Variants in ENO4 observed in about 807,000 individuals in gnomAD.
ENO4 encodes the protein 2-phospho-D-glycerate hydro-lyase.
Under a neutral mutation model 63.2 loss-of-function variants are expected in ENO4, and 53 were observed. The ratio of observed to expected loss-of-function variants is 0.84; its 90% CI spans 0.67 to 1.05. The LOEUF (loss-of-function observed/expected upper bound fraction) is 1.05, where lower values mean the gene tolerates loss of function less well. ENO4 is among the 50% of genes least tolerant of loss of function. The pLI is 0.00. For missense variants in ENO4, 719 were observed against 772.0 expected (o/e 0.93, Z 0.81); for synonymous variants, 266 against 283.8 (o/e 0.94, Z 0.63).
At chr10:116,885,801 G>A (rs570135919), downstream of ENO4, 4 of 154,218 alleles carry the variant, frequency 2.6e-5, no homozygotes, top group African/African-American at 9.7e-5. Context: ...CTACGAGTTT[G>A]ATGCCAGCTC....
At chr10:116,862,913 C>A in intron 7 of ENO4, 61 bp downstream of exon 7, 1 of 1,103,274 alleles carries the variant, frequency 9.1e-7, no homozygotes, top group Non-Finnish European at 1.3e-6. Flanking sequence ...TAGCATGCAA[C>A]TTGTAGTTCA....
Position 116,879,997 on chromosome 10 carries a change from C to T in ENO4, c.1723+11C>T, listed in dbSNP as rs1262713650. 2.6e-6 allele frequency: 4 copies of T among 1,520,488 alleles called. No individual in the cohort carries two copies. The Admixed American group carries it at 8.0e-5, about 30-fold the overall frequency. 94.2% of individuals were successfully genotyped at this position (1,520,488 alleles called of 1,614,324 possible). A position where few individuals can be genotyped will look rare whatever the true frequency, so the allele number is the denominator to read the frequency against. ...AGAATGGAACACTGGGTATGCGCTG[C>T]TTTCTTGCTTTGTTTCCACTTAGCC... On this transcript the variant is annotated intron_variant, in intron 13 of 13. Transcript: ENST00000341276.
At chr10:116,871,356 GAA>G (rs1026793970) in intron 9 of ENO4, 64 bp downstream of exon 9, 1 of 1,322,424 alleles carries the variant, frequency 7.6e-7, no homozygotes, top group Non-Finnish European at 1.0e-6. Flanking sequence ...TTAGAACTCA[GAA>G]AAAAAAGAGC....
chr10:116,856,216 G>C (rs1012025688), intron 2 of ENO4, among the ~76,000 whole-genome samples: 1 of 152,186 alleles, frequency 6.6e-6, no homozygotes, highest in African/African-American at 2.4e-5. Flanking sequence ...GGAGAATAAT[G>C]ATGATTAAGT....
intron 10 of ENO4, among the ~76,000 whole-genome samples, chr10:116,903,284 GCAC>G (rs1847820019): frequency 1.3e-5 from 2 of 152,222 alleles, no homozygotes; most frequent in Non-Finnish European, 2.9e-5. Context: ...TGTAATCCCA[GCAC>G]TTTGAGAGGC....
intron 10 of ENO4, among the ~76,000 whole-genome samples, chr10:116,874,777 A>G (rs1417756090): frequency 6.6e-6 from 1 of 152,060 alleles, no homozygotes; most frequent in Non-Finnish European, 1.5e-5. Flanking sequence ...GGCTCAAGTG[A>G]TTCTCCTGCC....
intron 11 of ENO4, among the ~76,000 whole-genome samples, chr10:116,878,742 C>CTTTTTTT (rs10635577): frequency 8.7e-5 from 10 of 114,336 alleles, no homozygotes; most frequent in Non-Finnish European, 1.4e-4. Flanking sequence ...AATCATATAT[C>CTTTTTTT]TTTTTTTTTT....
chr10:116,875,431 G>A (rs1326438789), intron 10 of ENO4, among the ~76,000 whole-genome samples: 1 of 152,000 alleles, frequency 6.6e-6, no homozygotes, highest in Non-Finnish European at 1.5e-5. Flanking sequence ...CTGCAGCCTT[G>A]ACCTCCCAGG....
Position 116,907,518 on chromosome 10 carries a change from C to T in ENO4, c.1195-3981C>T, listed in dbSNP as rs116389794. Among the ~76,000 whole-genome samples the T allele has an allele frequency of 6.1e-3, 923 of 152,280 alleles. 12 individuals are homozygous for T. Among genetic ancestry groups the T allele is most frequent in the African/African-American group, 0.021 (893 of 41,552 alleles). ...AGATCCATGTTTCCCTGCTCTGGCT[C>T]TTCCGGGAAGTATGTTACAGAGTGA... On this transcript the variant is annotated intron_variant, in intron 10 of 10. Coordinates refer to the ENO4 transcript ENST00000369207.
rs370821276 is a variant in ENO4, at chr10:116,863,637, G to A, written c.990+785G>A. Among the ~76,000 whole-genome samples the A allele has an allele frequency of 5.1e-4, 77 of 152,318 alleles. 3 individuals are homozygous for A. The South Asian group carries it at 0.01, about 20-fold the overall frequency. ...ATGATTAGGAAGCAGTAGGGCTGAG[G>A]ACCCAGTAGGATGGGGCTGGGATAC... is the stretch of plus-strand genomic sequence containing the variant. On this transcript the variant is annotated intron_variant, in intron 7 of 13. Coordinates refer to ENST00000341276, the MANE Select transcript of ENO4 (RefSeq NM_001242699.2).
rs1406665168 is a variant in ENO4, at chr10:116,855,758, G to C, written c.294+7G>C. The C allele has an allele frequency of 6.5e-7, 1 of 1,532,176 alleles. No individual in the cohort carries two copies. Among genetic ancestry groups the C allele is most frequent in the East Asian group, 2.5e-5 (1 of 40,808 alleles). The allele number at this position is 1,532,176 out of a possible 1,614,324, so 94.9% of individuals were successfully genotyped here. ...CATTCAAAACTTTCCCAAGGTATGA[G>C]GCAGTTTAAGTGTGTTCTTTAATGT... On this transcript the variant is annotated splice_region_variant and intron_variant, in intron 2 of 13. Coordinates refer to ENST00000341276, the MANE Select transcript of ENO4 (RefSeq NM_001242699.2).
At position 116,864,183 on chromosome 10, in the gene ENO4, A is replaced by G. The variant is rs556569925; in HGVS notation, c.990+1331A>G. Reference sequence around the variant, plus strand: ...TTCATCCTTCTAAATTTCTTTTAAAAGTTTTTCAGCTGGGTGCGGTGGCTC... The same window carrying G: ...TTCATCCTTCTAAATTTCTTTTAAAGGTTTTTCAGCTGGGTGCGGTGGCTC... On this transcript the variant is annotated intron_variant, in intron 7 of 13. Coordinates refer to ENST00000341276, the MANE Select transcript of ENO4 (RefSeq NM_001242699.2). 2.6e-5 allele frequency among the ~76,000 whole-genome samples: 4 copies of G among 152,324 alleles called. No homozygotes were observed. In the South Asian group the frequency reaches 8.3e-4, roughly 32 times the overall value.
rs1156902173 is a variant in ENO4, at chr10:116,861,062, C to G, written c.808C>G (p.Gln270Glu). 1 of 1,548,676 alleles carries G rather than the reference C, an allele frequency of 6.5e-7. No homozygotes were observed. The highest frequency in any genetic ancestry group is 1.4e-5 in the African/African-American group (1 of 72,946). The change falls in exon 6 of 14, where the codon CAG (glutamine) becomes GAG (glutamate). Residue 270 changes from glutamine to glutamate, a missense_variant. By Grantham distance (29) the Gln-to-Glu change is conservative. This residue lies in a region of ENO4 where 544 missense variants were observed against 583.6 expected (regional missense o/e 0.93). Transcript: ENST00000341276. ...NIALLKHNQE[Q>E]PTTLSMPLLM... ...CCTCGTTTTCCCCCTATTTCAGGAACAGCCAACAACGCTATCTATGCCTTT... is the reference window on the plus strand; with the variant it reads ...CCTCGTTTTCCCCCTATTTCAGGAAGAGCCAACAACGCTATCTATGCCTTT...
chr10:116,889,660 T>C (rs111287130), intron 10 of ENO4, among the ~76,000 whole-genome samples: 108 of 152,344 alleles, frequency 7.1e-4, no homozygotes, highest in Non-Finnish European at 4.7e-4. Flanking sequence ...CAGAAGCTCC[T>C]GTCTCCCTGT....
At chr10:116,857,299 C>G (rs937840574) in intron 3 of ENO4, among the ~76,000 whole-genome samples, 5 of 152,158 alleles carry the variant, frequency 3.3e-5, no homozygotes, top group African/African-American at 1.2e-4. Context: ...CTTCTCCCCA[C>G]CTGTCACATG....
In ENO4 at chr10:116,849,551, C is replaced by G; in HGVS notation, c.-16C>G. Reference sequence around the variant, plus strand: ...GACCCCAGGCTAAACCCCGCTGTAGCCTTAAATCTCCTACCATGGAGGAAG... The same window carrying G: ...GACCCCAGGCTAAACCCCGCTGTAGGCTTAAATCTCCTACCATGGAGGAAG... On this transcript the variant is annotated 5_prime_UTR_variant, in exon 1 of 14. Coordinates refer to ENST00000341276, the MANE Select transcript of ENO4 (RefSeq NM_001242699.2). The G allele has an allele frequency of 1.0e-5, 16 of 1,524,766 alleles. No individual in the cohort carries two copies. Among genetic ancestry groups the G allele is most frequent in the Non-Finnish European group, 1.4e-5 (16 of 1,135,272 alleles). 94.5% of individuals were successfully genotyped at this position (1,524,766 alleles called of 1,614,324 possible).
intron 4 of ENO4, among the ~76,000 whole-genome samples, chr10:116,859,764 C>T (rs530523059): frequency 2.8e-4 from 42 of 151,930 alleles, no homozygotes; most frequent in Non-Finnish European, 5.7e-4. Context: ...TGCCATTGCC[C>T]GTATCTAGCA....
At chr10:116,868,838 G>T (rs1293072398) in intron 8 of ENO4, 132 bp downstream of exon 8, 3 of 786,072 alleles carry the variant, frequency 3.8e-6, no homozygotes, top group Non-Finnish European at 6.4e-6. Flanking sequence ...TAGTGATATT[G>T]CTCCAGACAC....
chr10:116,886,867 A>G (rs1847180890), downstream of ENO4, among the ~76,000 whole-genome samples: 1 of 152,212 alleles, frequency 6.6e-6, no homozygotes, highest in Admixed American at 6.5e-5. Flanking sequence ...GGAAGCGTAA[A>G]GCTCATGGAC....
Sources: allele counts gnomAD v4.1 joint callset (sites outside exome capture counted in the v4.1 genomes callset), GRCh38; gene constraint gnomAD v4.1.1; regional missense constraint gnomAD v4.1.1; transcripts MANE v1.5; gene names NCBI Gene and HGNC (gene_info 2026-07-23, HGNC 2026-07-21).